Variants in SORL1 observed in about 807,000 individuals in gnomAD.
SORL1 encodes the protein sortilin related receptor 1.
In SORL1, 127 loss-of-function variants were observed where a neutral mutation model predicts 273.7. The observed-to-expected ratio is 0.46, with a 90% CI of 0.40 to 0.54. The LOEUF is 0.54. SORL1 is among the 20% of genes least tolerant of loss of function. SORL1 has a pLI of 0.00. For synonymous variants in SORL1, 1,031 were observed against 1,067.4 expected (o/e 0.97, Z 0.66); for missense variants, 2,494 against 2,846.1 (o/e 0.88, Z 2.81).
Position 121,612,448 on chromosome 11 carries a change from A to C in SORL1, c.5323-288A>C, listed in dbSNP as rs180813250. The C allele has an allele frequency of 7.1e-5, 18 of 254,370 alleles. No individual in the cohort carries two copies. In the East Asian group the frequency reaches 1.6e-3, roughly 23 times the overall value. The allele number at this position is 254,370 out of a possible 1,614,324, so 15.8% of individuals were successfully genotyped here. A position where few individuals can be genotyped will look rare whatever the true frequency, so the allele number is the denominator to read the frequency against. ...TCCAGTGTTTCCTCTTTCTACCTTT[A>C]TTAATTGGTTCTCGTCCTTTTATTC... On this transcript the variant is annotated intron_variant, in intron 39 of 47. Transcript: ENST00000260197.
chr11:121,543,034 A>AT (rs1293768874), intron 12 of SORL1, among the ~76,000 whole-genome samples: 3 of 150,768 alleles, frequency 2.0e-5, no homozygotes, highest in Non-Finnish European at 4.4e-5. Context: ...ATACAAAAAA[A>AT]AAAAAAATTA....
intron 11 of SORL1, among the ~76,000 whole-genome samples, chr11:121,529,486 G>A (rs960149216): frequency 5.3e-5 from 8 of 152,288 alleles, no homozygotes; most frequent in African/African-American, 1.9e-4. Flanking sequence ...CAAAGTGCTG[G>A]GGTTACAGGT....
intron 40 of SORL1, among the ~76,000 whole-genome samples, chr11:121,613,964 C>T (rs1368450211): frequency 3.3e-5 from 5 of 152,218 alleles, no homozygotes; most frequent in African/African-American, 7.2e-5. Context: ...GCTGTAAGTG[C>T]TGTTATTTTT....
intron 9 of SORL1, 152 bp downstream of exon 9, chr11:121,521,001 A>G: frequency 2.1e-6 from 1 of 475,254 alleles, no homozygotes; most frequent in African/African-American, 2.0e-5. Context: ...TTGTGTTGCT[A>G]CACTTGCAGT....
chr11:121,625,406 A>G lies in SORL1; in HGVS notation c.6364+129A>G, dbSNP rs947308817. 5 of 761,384 alleles carry G rather than the reference A, an allele frequency of 6.6e-6. No individual in the cohort carries two copies. The Admixed American group carries it at 1.3e-4, about 20-fold the overall frequency. The allele number at this position is 761,384 out of a possible 1,614,324, so 47.2% of individuals were successfully genotyped here. A position where few individuals can be genotyped will look rare whatever the true frequency, so the allele number is the denominator to read the frequency against. ...TTCTCAGCTTAAAAGAAAATCATTT[A>G]TATATCAGTTTGGTCAGGTAGTGAT... On this transcript the variant is annotated intron_variant, in intron 46 of 47. Transcript: ENST00000260197.
chr11:121,571,383 A>G lies in SORL1; in HGVS notation c.3337+1113A>G, dbSNP rs550823202. Among the ~76,000 whole-genome samples, 31 of 152,382 alleles carry G rather than the reference A, an allele frequency of 2.0e-4. No homozygotes were observed. The South Asian group carries it at 6.4e-3, about 32-fold the overall frequency. ...GTTAGATGAGTGGGCAGCGCCCAGG[A>G]CAGCAAGGGCTTTGTGGACTTTATC... On this transcript the variant is annotated intron_variant, in intron 23 of 47. Coordinates refer to ENST00000260197, the MANE Select transcript of SORL1 (RefSeq NM_003105.6).
chr11:121,621,223 A>G lies in SORL1; in HGVS notation c.6049A>G (p.Ile2017Val). 1 of 1,614,118 alleles carries G rather than the reference A, an allele frequency of 6.2e-7. No homozygotes were observed. The highest frequency in any genetic ancestry group is 8.5e-7 in the Non-Finnish European group (1 of 1,179,972). Reference protein sequence around the residue: ...QLGNMSKDSSIKITTVSLSAP... With the variant: ...QLGNMSKDSSVKITTVSLSAP... The stretch of plus-strand genomic sequence containing the variant: ...GGGGAACATGAGCAAAGATTCCAGC[A>G]TAAAAATTACCACAGGTAAGCAGGA... Residue 2017 changes from isoleucine (I) to valine (V), a missense_variant, in exon 44 of 48, where the codon ATA (isoleucine) becomes GTA (valine). Transcript: ENST00000260197.
rs1863858262 is a variant in SORL1, at chr11:121,630,388, T to C, written c.*825T>C. ...ATGATAACACTGCTTTATTACACAC[T>C]GGTTTCATTGTCATTGCAAAAACTT... is the stretch of plus-strand genomic sequence containing the variant. On this transcript the variant is annotated 3_prime_UTR_variant, in exon 48 of 48. Transcript: ENST00000260197. 1 of 152,234 alleles carries C rather than the reference T, an allele frequency of 6.6e-6. No individual in the cohort carries two copies. Among genetic ancestry groups the C allele is most frequent in the Non-Finnish European group, 1.5e-5 (1 of 68,052 alleles). The allele number at this position is 152,234 out of a possible 1,614,324, so 9.4% of individuals were successfully genotyped here.
At chr11:121,480,720 C>T (rs60080303) in intron 3 of SORL1, among the ~76,000 whole-genome samples, 1 of 142,158 alleles carries the variant, frequency 7.0e-6, no homozygotes. Flanking sequence ...CTCCCCAGCT[C>T]CTCCCCTAGT....
At chr11:121,536,431 T>C (rs1040769732) in intron 12 of SORL1, among the ~76,000 whole-genome samples, 1 of 150,136 alleles carries the variant, frequency 6.7e-6, no homozygotes, top group African/African-American at 2.4e-5. Flanking sequence ...CACTGTGTTT[T>C]TTTTTTTTTT....
chr11:121,457,113 G>A (rs547070897), intron 1 of SORL1, among the ~76,000 whole-genome samples: 4 of 152,284 alleles, frequency 2.6e-5, no homozygotes, highest in East Asian at 1.9e-4. Flanking sequence ...TCCACTTGGC[G>A]TCTTTTCTTA....
intron 27 of SORL1, 40 bp downstream of exon 27, chr11:121,586,369 G>T (rs781314599): frequency 7.2e-7 from 1 of 1,395,024 alleles, no homozygotes; most frequent in African/African-American, 1.4e-5. Context: ...CTCAGGCCTA[G>T]TGATTATGAG....
At position 121,452,589 on chromosome 11, in the gene SORL1, G is replaced by T; in HGVS notation, c.258G>T (p.Gln86His). Residue 86 changes from glutamine (Q) to histidine (H), a missense_variant, in exon 1 of 48, where the codon CAG becomes CAT. Gln to His is a conservative substitution (Grantham distance 24). This residue lies in a region of SORL1 where 175 missense variants were observed against 147.1 expected (regional missense o/e 1.19). Coordinates refer to ENST00000260197, the MANE Select transcript of SORL1 (RefSeq NM_003105.6). The surrounding 1 kb of genome is among the most constrained non-coding windows in gnomAD (Gnocchi z 5.3). ...GGAGGAAACGGAGCGCTGCCCTGCA[G>T]CCCGAGCCCATCAAGGTGTACGGAC... is the stretch of plus-strand genomic sequence containing the variant. ...PLRRKRSAAL[Q>H]PEPIKVYGQV... The T allele has an allele frequency of 6.6e-7, 1 of 1,521,596 alleles. No homozygotes were observed. The allele number at this position is 1,521,596 out of a possible 1,614,324, so 94.3% of individuals were successfully genotyped here.
At chr11:121,587,938 A>T in intron 27 of SORL1, 82 bp from the exon 28 acceptor site, 1 of 1,546,136 alleles carries the variant, frequency 6.5e-7, no homozygotes, top group Non-Finnish European at 8.9e-7. Flanking sequence ...CCACATCTGT[A>T]CTCGTGTGCA....
intron 25 of SORL1, among the ~76,000 whole-genome samples, chr11:121,581,300 G>A (rs951328246): frequency 4.6e-5 from 7 of 152,204 alleles, no homozygotes; most frequent in African/African-American, 1.7e-4. Context: ...CTCTGCTCAT[G>A]TTTGGTTAAT....
rs1296808459 is a variant in SORL1, at chr11:121,633,612, T to C, written c.*4049T>C. 1 of 152,254 alleles carries C rather than the reference T, an allele frequency of 6.6e-6. No homozygotes were observed. The highest frequency in any genetic ancestry group is 2.4e-5 in the African/African-American group (1 of 41,470). 9.4% of individuals were successfully genotyped at this position (152,254 alleles called of 1,614,324 possible). ...GTTTTACTGTATTGTTGCACAACTT[T>C]AAGATAATTTTTGTCTCAATGTCAA... On this transcript the variant is annotated 3_prime_UTR_variant, in exon 48 of 48. Coordinates refer to ENST00000260197, the MANE Select transcript of SORL1 (RefSeq NM_003105.6).
In SORL1 at chr11:121,596,763, C is replaced by T. The variant is rs1863302095; in HGVS notation, c.4519+991C>T. Among the ~76,000 whole-genome samples the T allele has an allele frequency of 6.6e-6, 1 of 152,168 alleles. No individual in the cohort carries two copies. The highest frequency in any genetic ancestry group is 1.5e-5 in the Non-Finnish European group (1 of 68,042). The stretch of plus-strand genomic sequence containing the variant: ...CACTCTCTGCTGAGAGCCTCCCTGC[C>T]GCCAAGCCCTAACCCTAAGCAGCAA... On this transcript the variant is annotated intron_variant, in intron 32 of 47. Coordinates refer to ENST00000260197, the MANE Select transcript of SORL1 (RefSeq NM_003105.6). This position sits in a 1 kb window ranked among gnomAD's most constrained non-coding sequence, Gnocchi z 4.3.
intron 12 of SORL1, 76 bp from the exon 13 acceptor site, chr11:121,543,472 G>A (rs1316878263): frequency 4.8e-6 from 6 of 1,237,390 alleles, no homozygotes; most frequent in Non-Finnish European, 6.9e-6. Context: ...CCTGTTCCTG[G>A]TGAATGTTAT....
At chr11:121,467,072 C>T (rs151081891) in intron 1 of SORL1, among the ~76,000 whole-genome samples, 3,445 of 148,740 alleles carry the variant, frequency 0.023, 69 homozygotes, top group Middle Eastern at 0.038. Flanking sequence ...CTCTGTTGCC[C>T]AGGCTGGACT....
Sources: gnomAD v4.1 joint callset for allele counts (sites outside exome capture counted in the v4.1 genomes callset) on GRCh38, gnomAD v4.1.1 for gene constraint, gnomAD v4.1.1 regional missense constraint, Gnocchi (gnomAD v3.1) non-coding constraint, MANE v1.5 for transcripts, NCBI Gene and HGNC (gene_info 2026-07-23, HGNC 2026-07-21) for gene names.